The following AGBL4 variants were observed in gnomAD, a reference collection of about 807,000 sequenced individuals.
The protein encoded by AGBL4 is cytosolic carboxypeptidase 6.
A neutral mutation model predicts 66.4 loss-of-function variants in AGBL4; 58 were observed. The observed-to-expected ratio is 0.87, with a 90% CI of 0.71 to 1.09. The LOEUF (loss-of-function observed/expected upper bound fraction) is 1.09. Ranked by LOEUF, AGBL4 falls within the 50% of genes least tolerant of loss-of-function variation. AGBL4 has a pLI of 0.00. For missense variants in AGBL4, 579 were observed against 631.0 expected (o/e 0.92, Z 0.88); for synonymous variants, 234 against 222.9 (o/e 1.05, Z -0.44).
chr1:49,995,713 C>G (rs1264082272), intron 1 of AGBL4: 1 of 154,858 alleles, frequency 6.5e-6, no homozygotes, highest in Non-Finnish European at 1.4e-5. Context: ...GAAAGCACCA[C>G]TTCCTGGCTG....
At chr1:49,997,945 C>T (rs1290178674) in intron 1 of AGBL4, among the ~76,000 whole-genome samples, 1 of 151,898 alleles carries the variant, frequency 6.6e-6, no homozygotes, top group Non-Finnish European at 1.5e-5. Flanking sequence ...AAATAATCTG[C>T]TCCTGAATGA....
At chr1:48,970,885 A>G (rs1658847548) in intron 5 of AGBL4, among the ~76,000 whole-genome samples, 1 of 152,142 alleles carries the variant, frequency 6.6e-6, no homozygotes, top group Non-Finnish European at 1.5e-5. Context: ...AACCTCCAGA[A>G]TAACAAGTGT....
intron 4 of AGBL4, among the ~76,000 whole-genome samples, chr1:49,214,196 G>T (rs1648896367): frequency 6.6e-6 from 1 of 151,976 alleles, no homozygotes; most frequent in Admixed American, 6.6e-5. Context: ...TAATTTATTT[G>T]GGAAATAATT....
At chr1:48,642,290 G>A (rs767529794) in intron 8 of AGBL4, among the ~76,000 whole-genome samples, 5 of 152,198 alleles carry the variant, frequency 3.3e-5, no homozygotes, top group Non-Finnish European at 5.9e-5. Context: ...GCAAGGTGGT[G>A]TGACTGGGGA....
At position 49,265,486 on chromosome 1, in the gene AGBL4, G is replaced by A. The variant is rs542090685; in HGVS notation, c.283-19622C>T. On this transcript the variant is annotated intron_variant, in intron 3 of 13. Coordinates refer to ENST00000371839, the MANE Select transcript of AGBL4 (RefSeq NM_032785.4). ...TTCAACCAATCAGCTCCTTTACTTCGGAGCCATATTCCCAGTTTTTATATT... is the reference window on the plus strand; with the variant it reads ...TTCAACCAATCAGCTCCTTTACTTCAGAGCCATATTCCCAGTTTTTATATT... Among the ~76,000 whole-genome samples the A allele has an allele frequency of 2.6e-4, 40 of 152,194 alleles. 1 individual carries two copies. The South Asian group carries it at 7.5e-3, about 28-fold the overall frequency.
chr1:49,356,646 T>C (rs1262823034), intron 3 of AGBL4, among the ~76,000 whole-genome samples: 1 of 152,196 alleles, frequency 6.6e-6, no homozygotes, highest in African/African-American at 2.4e-5. Flanking sequence ...ACCTTGGTTA[T>C]CAAAAATAAG....
intron 5 of AGBL4, among the ~76,000 whole-genome samples, chr1:49,029,679 A>T (rs1260210494): frequency 6.6e-6 from 1 of 152,182 alleles, no homozygotes; most frequent in East Asian, 1.9e-4. Context: ...TGATAAGGTG[A>T]TCCTAAAATT....
intron 3 of AGBL4, among the ~76,000 whole-genome samples, chr1:49,636,047 C>A (rs556092469): frequency 2.6e-5 from 4 of 152,286 alleles, no homozygotes; most frequent in African/African-American, 9.6e-5. Flanking sequence ...GGGCTGCACT[C>A]TAGGGCTGTA....
chr1:48,910,109 G>T (rs1652958220), intron 5 of AGBL4, among the ~76,000 whole-genome samples: 1 of 152,174 alleles, frequency 6.6e-6, no homozygotes, highest in South Asian at 2.1e-4. Context: ...TCTGAATTTT[G>T]TCTCAATGTA....
At chr1:49,943,121 C>A (rs1654916675) in intron 1 of AGBL4, among the ~76,000 whole-genome samples, 3 of 152,058 alleles carry the variant, frequency 2.0e-5, no homozygotes, top group Admixed American at 1.3e-4. Flanking sequence ...TGAAATATCA[C>A]CTCACAGCTG....
At chr1:49,718,203 C>G (rs149705852) in intron 2 of AGBL4, among the ~76,000 whole-genome samples, 1 of 151,980 alleles carries the variant, frequency 6.6e-6, no homozygotes, top group African/African-American at 2.4e-5. Context: ...TTAGCATTAT[C>G]CCCTTGGTGA....
At chr1:49,335,768 GC>G (rs971950756) in intron 3 of AGBL4, among the ~76,000 whole-genome samples, 1 of 152,020 alleles carries the variant, frequency 6.6e-6, no homozygotes, top group Admixed American at 6.6e-5. Context: ...GCCCACCTTG[GC>G]CCCCCAAAAT....
intron 2 of AGBL4, among the ~76,000 whole-genome samples, chr1:49,702,794 C>T (rs560721188): frequency 2.6e-5 from 4 of 151,970 alleles, no homozygotes; most frequent in East Asian, 1.9e-4. Context: ...GTACAACACA[C>T]GAAAATCAAC....
intron 3 of AGBL4, among the ~76,000 whole-genome samples, chr1:49,307,267 C>T (rs141058241): frequency 4.7e-4 from 71 of 152,234 alleles, no homozygotes; most frequent in African/African-American, 1.5e-3. Flanking sequence ...GCCCTCAACA[C>T]GAAGATCCAG....
chr1:48,652,167 A>G (rs1645941309), intron 8 of AGBL4, among the ~76,000 whole-genome samples: 1 of 152,150 alleles, frequency 6.6e-6, no homozygotes, highest in Non-Finnish European at 1.5e-5. Context: ...GCACAACTGC[A>G]CTCCAGCTTG....
intron 3 of AGBL4, among the ~76,000 whole-genome samples, chr1:49,634,254 C>A (rs1000173687): frequency 6.6e-6 from 1 of 152,174 alleles, no homozygotes; most frequent in Non-Finnish European, 1.5e-5. Context: ...TGATGTTCCC[C>A]TCCCTGTGTC....
chr1:49,974,908 T>C (rs1252522304), intron 1 of AGBL4, among the ~76,000 whole-genome samples: 1 of 152,118 alleles, frequency 6.6e-6, no homozygotes, highest in African/African-American at 2.4e-5. Flanking sequence ...TCACAAAACC[T>C]GGAAAAAATA....
intron 3 of AGBL4, among the ~76,000 whole-genome samples, chr1:49,452,596 A>G (rs755972809): frequency 6.6e-6 from 1 of 151,676 alleles, no homozygotes; most frequent in East Asian, 1.9e-4. Context: ...TTATATTACC[A>G]TCTTCTATAT....
At chr1:48,668,799 G>A (rs564585134) in intron 6 of AGBL4, among the ~76,000 whole-genome samples, 126 of 150,488 alleles carry the variant, frequency 8.4e-4, no homozygotes, top group Middle Eastern at 6.8e-3. Context: ...AAGAGGGAAT[G>A]GATGTTGTGA....
Sources: allele counts gnomAD v4.1 joint callset (sites outside exome capture counted in the v4.1 genomes callset), GRCh38; gene constraint gnomAD v4.1.1; transcripts MANE v1.5; gene names NCBI Gene and HGNC (gene_info 2026-07-23, HGNC 2026-07-21).